NTM: variants seen among roughly 807,000 people sequenced by gnomAD.
NTM encodes IgLON family member 2.
NTM carries 13 observed loss-of-function variants against 42.1 expected under a neutral mutation model. That is an observed-to-expected ratio of 0.31 (90% CI 0.20 to 0.49). The LOEUF is 0.49. NTM is among the 20% of genes least tolerant of loss of function. The pLI is 0.99. For missense variants in NTM, 373 were observed against 452.8 expected (o/e 0.82, Z 1.60); for synonymous variants, 187 against 179.2 (o/e 1.04, Z -0.35).
At chr11:131,492,543 A>C (rs1304549827) in intron 1 of NTM, among the ~76,000 whole-genome samples, 1 of 152,168 alleles carries the variant, frequency 6.6e-6, no homozygotes, top group Non-Finnish European at 1.5e-5. Context: ...CCAAATTCAC[A>C]AGCCACACTC....
chr11:132,309,091 G>C (rs2095196885), intron 5 of NTM, among the ~76,000 whole-genome samples: 2 of 152,206 alleles, frequency 1.3e-5, no homozygotes, highest in South Asian at 2.1e-4. Context: ...AGACCCTAGA[G>C]AAAATTCTCT....
intron 1 of NTM, among the ~76,000 whole-genome samples, chr11:131,570,014 G>A (rs1421757504): frequency 6.6e-6 from 1 of 152,174 alleles, no homozygotes; most frequent in Non-Finnish European, 1.5e-5. Context: ...CCCCACTCAG[G>A]GAAGCTCCTA....
intron 1 of NTM, among the ~76,000 whole-genome samples, chr11:131,579,673 A>T (rs1334528654): frequency 6.7e-6 from 1 of 148,460 alleles, no homozygotes; most frequent in Non-Finnish European, 1.5e-5. Context: ...GCTGCCAAGG[A>T]CCAGAGAATG....
At chr11:132,041,235 G>T (rs1458742263) in intron 2 of NTM, among the ~76,000 whole-genome samples, 2 of 130,100 alleles carry the variant, frequency 1.5e-5, no homozygotes, top group African/African-American at 2.6e-5. Flanking sequence ...GATAGATAGA[G>T]AGAGAGAGAG....
intron 1 of NTM, among the ~76,000 whole-genome samples, chr11:131,453,980 G>T (rs1950678077): frequency 6.6e-6 from 1 of 152,154 alleles, no homozygotes; most frequent in Non-Finnish European, 1.5e-5. Flanking sequence ...TTCCATCTGG[G>T]ACCTTCTCAT....
At chr11:131,390,334 C>G (rs917365306) in intron 1 of NTM, among the ~76,000 whole-genome samples, 1 of 152,156 alleles carries the variant, frequency 6.6e-6, no homozygotes, top group African/African-American at 2.4e-5. Context: ...CCGAACACCT[C>G]CCACCAGGCC....
chr11:132,305,589 A>C (rs2095047057), intron 4 of NTM, among the ~76,000 whole-genome samples: 2 of 152,226 alleles, frequency 1.3e-5, no homozygotes, highest in South Asian at 4.1e-4. Flanking sequence ...GGTCTCCGAG[A>C]TGCTTGGCAC....
chr11:131,413,208 T>C (rs1946600669), intron 1 of NTM, among the ~76,000 whole-genome samples: 1 of 152,224 alleles, frequency 6.6e-6, no homozygotes, highest in Non-Finnish European at 1.5e-5. Context: ...AGTCACAGCT[T>C]GCAAAAATAT....
intron 3 of NTM, among the ~76,000 whole-genome samples, chr11:132,155,396 C>T (rs982180639): frequency 2.6e-5 from 4 of 152,126 alleles, no homozygotes; most frequent in Non-Finnish European, 5.9e-5. Flanking sequence ...TGCTTACATC[C>T]ATTTGTCTTT....
At chr11:131,715,101 G>T (rs1351546609) in intron 1 of NTM, among the ~76,000 whole-genome samples, 1 of 152,170 alleles carries the variant, frequency 6.6e-6, no homozygotes, top group East Asian at 1.9e-4. Context: ...ACCAGAAAAG[G>T]GTGAGTATTA....
At chr11:131,424,901 A>ATTTTT in intron 1 of NTM, among the ~76,000 whole-genome samples, 1 of 131,192 alleles carries the variant, frequency 7.6e-6, no homozygotes, top group African/African-American at 2.9e-5. Flanking sequence ...TTTTTTTGAG[A>ATTTTT]CAGAGTCTCG....
At chr11:132,131,483 T>G (rs1398276537) in intron 2 of NTM, among the ~76,000 whole-genome samples, 1 of 152,142 alleles carries the variant, frequency 6.6e-6, no homozygotes, top group Non-Finnish European at 1.5e-5. Context: ...GCAAAGGTTA[T>G]GATGGAACCC....
At chr11:131,547,688 C>T (rs2054121880) in intron 1 of NTM, among the ~76,000 whole-genome samples, 1 of 152,102 alleles carries the variant, frequency 6.6e-6, no homozygotes, top group Non-Finnish European at 1.5e-5. Context: ...AGATGGAGTT[C>T]TTTTCTAAGA....
chr11:132,334,309 T>C (rs2095849876), intron 8 of NTM, among the ~76,000 whole-genome samples: 1 of 152,270 alleles, frequency 6.6e-6, no homozygotes, highest in African/African-American at 2.4e-5. Flanking sequence ...GGGCAGGTTC[T>C]GCATCCCAGT....
At chr11:131,878,642 A>AG (rs2048973457) in intron 1 of NTM, among the ~76,000 whole-genome samples, 2 of 115,978 alleles carry the variant, frequency 1.7e-5, no homozygotes, top group Non-Finnish European at 3.4e-5. Context: ...TATATATATA[A>AG]TGTCTTATGT....
intron 1 of NTM, among the ~76,000 whole-genome samples, chr11:131,849,038 C>T (rs759524627): frequency 1.2e-4 from 18 of 152,118 alleles, no homozygotes; most frequent in Non-Finnish European, 2.5e-4. Flanking sequence ...AATCATTTCT[C>T]CTAATAATGA....
intron 4 of NTM, among the ~76,000 whole-genome samples, chr11:132,228,011 C>T (rs952169361): frequency 1.3e-5 from 2 of 152,130 alleles, no homozygotes; most frequent in African/African-American, 2.4e-5. Flanking sequence ...GAAGCAGGGG[C>T]GTATGAATGT....
At chr11:132,211,158 C>T (rs937607315) in intron 3 of NTM, among the ~76,000 whole-genome samples, 23 of 152,196 alleles carry the variant, frequency 1.5e-4, no homozygotes, top group African/African-American at 5.1e-4. Context: ...TGCGCGTGCA[C>T]TTTGATAGGC....
At chr11:131,470,763 A>G (rs1167706098) in intron 1 of NTM, among the ~76,000 whole-genome samples, 1 of 152,186 alleles carries the variant, frequency 6.6e-6, no homozygotes, top group Admixed American at 6.5e-5. Context: ...CAGTGGGACT[A>G]TCAAAGGTCC....
Sources: gnomAD v4.1 joint callset for allele counts (sites outside exome capture counted in the v4.1 genomes callset) on GRCh38, gnomAD v4.1.1 for gene constraint, MANE v1.5 for transcripts, NCBI Gene and HGNC (gene_info 2026-07-23, HGNC 2026-07-21) for gene names.